Variants in ASPH observed in about 807,000 individuals in gnomAD.
ASPH encodes aspartate beta-hydroxylase.
Under a neutral mutation model 118.4 loss-of-function variants are expected in ASPH, and 100 were observed. The ratio of observed to expected loss-of-function variants is 0.84; its 90% CI spans 0.72 to 1.00. ASPH has a LOEUF of 1.00. Among genes scored for constraint, ASPH ranks in the 50% least tolerant of loss-of-function variants. ASPH has a pLI of 0.00. For synonymous variants in ASPH, 315 were observed against 325.6 expected (o/e 0.97, Z 0.35); for missense variants, 920 against 919.5 (o/e 1.00, Z -0.01).
intron 21 of ASPH, among the ~76,000 whole-genome samples, chr8:61,527,981 C>CTTGA (rs1394840994): frequency 1.2e-4 from 19 of 152,188 alleles, no homozygotes; most frequent in African/African-American, 4.6e-4. Flanking sequence ...GCCTCCTCAC[C>CTTGA]TTGACATGGC....
intron 14 of ASPH, among the ~76,000 whole-genome samples, chr8:61,612,597 C>T (rs1399047481): frequency 6.6e-6 from 1 of 151,960 alleles, no homozygotes; most frequent in Non-Finnish European, 1.5e-5. Flanking sequence ...GTCTTGAACT[C>T]GTGACCTCAG....
intron 3 of ASPH, among the ~76,000 whole-genome samples, chr8:61,670,977 T>A (rs1822201246): frequency 6.6e-6 from 1 of 152,092 alleles, no homozygotes; most frequent in Non-Finnish European, 1.5e-5. Context: ...CAAGGGAAAC[T>A]GTTGGAGCAG....
rs373554830 is a variant in ASPH, at chr8:61,655,626, T to G, written c.323-1966A>C. ...GTCATAATGCTACGTGTTCAAATACTACTAGTATACCAACATTCCGACATA... is the reference window on the plus strand; with the variant it reads ...GTCATAATGCTACGTGTTCAAATACGACTAGTATACCAACATTCCGACATA... On this transcript the variant is annotated intron_variant, in intron 3 of 24. Coordinates refer to ENST00000379454, the MANE Select transcript of ASPH (RefSeq NM_004318.4). 5.3e-5 allele frequency among the ~76,000 whole-genome samples: 8 copies of G among 152,326 alleles called. No homozygotes were observed. In the East Asian group the frequency reaches 1.5e-3, roughly 29 times the overall value.
intron 10 of ASPH, among the ~76,000 whole-genome samples, chr8:61,639,444 G>C (rs1008281617): frequency 6.6e-6 from 1 of 152,118 alleles, no homozygotes; most frequent in Admixed American, 6.6e-5. Flanking sequence ...TATATTTTTA[G>C]CAACACCATT....
chr8:61,677,849 A>G (rs1348772934), intron 3 of ASPH, among the ~76,000 whole-genome samples: 1 of 152,206 alleles, frequency 6.6e-6, no homozygotes, highest in African/African-American at 2.4e-5. Context: ...TATTACATAT[A>G]AAACTTTTCC....
At chr8:61,620,414 A>C (rs1850512382) in intron 13 of ASPH, among the ~76,000 whole-genome samples, 1 of 43,084 alleles carries the variant, frequency 2.3e-5, no homozygotes, top group African/African-American at 1.4e-4. Flanking sequence ...GACTTTTGCA[A>C]AGAGTTGATT....
chr8:61,599,646 T>A (rs1290695334), intron 14 of ASPH, among the ~76,000 whole-genome samples: 1 of 151,876 alleles, frequency 6.6e-6, no homozygotes, highest in African/African-American at 2.4e-5. Context: ...TGAACAATCA[T>A]ACACTAACAA....
At position 61,627,823 on chromosome 8, in the gene ASPH, G is replaced by A. The variant is rs1348952377; in HGVS notation, c.934+5860C>T. Among the ~76,000 whole-genome samples the A allele has an allele frequency of 4.6e-5, 7 of 152,196 alleles. No individual in the cohort carries two copies. The East Asian group carries it at 1.4e-3, about 29-fold the overall frequency. On this transcript the variant is annotated intron_variant, in intron 13 of 24. Transcript: ENST00000379454. Reference sequence around the variant, plus strand: ...GCAAATCCCACATCTCCAAAACCAGGACCGTCATCTCTTCTGCTACTCTCC... The same window carrying A: ...GCAAATCCCACATCTCCAAAACCAGAACCGTCATCTCTTCTGCTACTCTCC...
At chr8:61,622,650 T>C (rs1189411668) in intron 13 of ASPH, among the ~76,000 whole-genome samples, 2 of 152,214 alleles carry the variant, frequency 1.3e-5, no homozygotes, top group African/African-American at 2.4e-5. Context: ...GTTAGTTGCC[T>C]AACCATCTTC....
chr8:61,557,349 C>T (rs1239773435), intron 18 of ASPH, among the ~76,000 whole-genome samples: 1 of 152,134 alleles, frequency 6.6e-6, no homozygotes, highest in Non-Finnish European at 1.5e-5. Context: ...CCCAGCCAAG[C>T]CTCTGAGGCA....
intron 21 of ASPH, 69 bp from the exon 22 acceptor site, chr8:61,526,181 T>A: frequency 6.4e-7 from 1 of 1,559,706 alleles, no homozygotes; most frequent in South Asian, 1.2e-5. Context: ...ATGACTCTTG[T>A]TTTTTTTGAG....
intron 18 of ASPH, among the ~76,000 whole-genome samples, chr8:61,556,662 A>G (rs962439476): frequency 2.0e-5 from 3 of 152,260 alleles, no homozygotes; most frequent in African/African-American, 7.2e-5. Flanking sequence ...TTAAAGATAA[A>G]TTATGCAAAG....
chr8:61,617,219 C>T (rs1055780170), intron 14 of ASPH, among the ~76,000 whole-genome samples: 6 of 152,016 alleles, frequency 3.9e-5, no homozygotes, highest in South Asian at 4.2e-4. Flanking sequence ...GGAAATGCTC[C>T]GAGGACTAAG....
intron 21 of ASPH, among the ~76,000 whole-genome samples, chr8:61,527,733 G>A (rs1299292179): frequency 6.6e-6 from 1 of 152,136 alleles, no homozygotes; most frequent in African/African-American, 2.4e-5. Context: ...CAGGGCAGGT[G>A]AGGAGTGTTG....
chr8:61,517,532 T>C lies in ASPH; in HGVS notation c.2122A>G (p.Thr708Ala). The C allele has an allele frequency of 6.2e-7, 1 of 1,613,922 alleles. No homozygotes were observed. Among genetic ancestry groups the C allele is most frequent in the Non-Finnish European group, 8.5e-7 (1 of 1,179,838 alleles). ...CGGATAACAGAGGACCCATACTTGG[T>C]CTCGTTGGCACATCGAATCTTGCAG... ...EGCKIRCANE[T>A]KTWEEGKVLI... Residue 708 changes from threonine (T) to alanine (A), a missense_variant, in exon 24 of 25, where the codon ACC (threonine) becomes GCC (alanine). Physicochemically the swap from Thr to Ala is moderately conservative, Grantham distance 58. Transcript: ENST00000379454.
chr8:61,654,820 G>A (rs929991209), intron 3 of ASPH, among the ~76,000 whole-genome samples: 1 of 152,100 alleles, frequency 6.6e-6, no homozygotes, highest in African/African-American at 2.4e-5. Flanking sequence ...ATACAGTTGT[G>A]TTCTATACCT....
At chr8:61,711,752 T>C (rs1838112581) in intron 1 of ASPH, among the ~76,000 whole-genome samples, 2 of 152,182 alleles carry the variant, frequency 1.3e-5, no homozygotes, top group African/African-American at 4.8e-5. Context: ...GAAATAATAA[T>C]GTTTAATGTG....
intron 3 of ASPH, among the ~76,000 whole-genome samples, chr8:61,655,754 A>T (rs1246763869): frequency 6.6e-6 from 1 of 152,206 alleles, no homozygotes; most frequent in African/African-American, 2.4e-5. Flanking sequence ...AAAAGCACAG[A>T]GCAAAAAATA....
intron 22 of ASPH, among the ~76,000 whole-genome samples, chr8:61,521,427 A>G (rs1812964002): frequency 1.3e-5 from 2 of 152,150 alleles, no homozygotes; most frequent in South Asian, 2.1e-4. Flanking sequence ...ACTATTTGCC[A>G]TTTTTCAGAT....
Sources: allele counts gnomAD v4.1 joint callset (sites outside exome capture counted in the v4.1 genomes callset), GRCh38; gene constraint gnomAD v4.1.1; transcripts MANE v1.5; gene names NCBI Gene and HGNC (gene_info 2026-07-23, HGNC 2026-07-21).